The following TRMT11 variants were observed in gnomAD, a reference collection of about 807,000 sequenced individuals.
TRMT11 encodes tRNA (guanine(10)-N(2))-methyltransferase TRMT11.
Under a neutral mutation model 62.8 loss-of-function variants are expected in TRMT11, and 53 were observed. That is an observed-to-expected ratio of 0.84 (90% CI 0.68 to 1.06). The LOEUF is 1.06. TRMT11 is among the 50% of genes least tolerant of loss of function. The pLI is 0.00. For synonymous variants in TRMT11, 188 were observed against 190.3 expected (o/e 0.99, Z 0.10); for missense variants, 556 against 553.4 (o/e 1.00, Z -0.05).
chr6:126,173,036 T>C (rs1430208866), upstream of TRMT11, among the ~76,000 whole-genome samples: 3 of 152,130 alleles, frequency 2.0e-5, no homozygotes, highest in African/African-American at 7.2e-5. Flanking sequence ...CTCATTACCA[T>C]TATGGTTAGG....
intron 21 of TRMT11, among the ~76,000 whole-genome samples, chr6:126,145,534 C>T (rs1364655114): frequency 6.6e-6 from 1 of 152,096 alleles, no homozygotes; most frequent in African/African-American, 2.4e-5. Flanking sequence ...CTTGTCATAG[C>T]CCTGGCTGCA....
rs554951026 is a variant in TRMT11, at chr6:126,092,557, AT to A, written c.*1438-20306del. Among the ~76,000 whole-genome samples the A allele has an allele frequency of 3.9e-4, 59 of 152,256 alleles. No individual in the cohort carries two copies. The South Asian group carries it at 0.012, about 31-fold the overall frequency. ...TATGGGAGCTACAATTCAAGATGAGATTTGGGTTTGAGTTTGGGACACAGCC... is the reference window on the plus strand; with the variant it reads ...TATGGGAGCTACAATTCAAGATGAGATTGGGTTTGAGTTTGGGACACAGCC... On this transcript the variant is annotated intron_variant and NMD_transcript_variant, in intron 17 of 22. Coordinates refer to the TRMT11 transcript ENST00000648977.
At chr6:126,006,501 G>A (rs1793373317) in intron 7 of TRMT11, among the ~76,000 whole-genome samples, 1 of 151,808 alleles carries the variant, frequency 6.6e-6, no homozygotes, top group African/African-American at 2.4e-5. Flanking sequence ...GAAACACCGA[G>A]TTGCTAGCAT....
the TRMT11 span, among the ~76,000 whole-genome samples, chr6:126,248,510 A>C: frequency 6.6e-6 from 1 of 152,094 alleles, no homozygotes; most frequent in Non-Finnish European, 1.5e-5. Flanking sequence ...CAAGAAAAAA[A>C]AACAAAGTCA....
chr6:126,130,499 G>T (rs1777769094), intron 21 of TRMT11, among the ~76,000 whole-genome samples: 1 of 152,080 alleles, frequency 6.6e-6, no homozygotes, highest in South Asian at 2.1e-4. Flanking sequence ...TCTTCTGCCT[G>T]TAGGGTGTGT....
chr6:126,201,883 G>A (rs919563046), intron 3 of TRMT11: 2 of 152,076 alleles, frequency 1.3e-5, no homozygotes, highest in African/African-American at 2.4e-5. Flanking sequence ...TGTGTGGAAT[G>A]TATCTGTGGA....
intron 21 of TRMT11, among the ~76,000 whole-genome samples, chr6:126,151,931 C>CTTTCTT (rs1778059931): frequency 1.1e-5 from 1 of 93,418 alleles, no homozygotes; most frequent in African/African-American, 5.3e-5. Context: ...TTCTTTCTTT[C>CTTTCTT]TTTCTTTCTT....
At chr6:126,040,865 A>T (rs1775856133), downstream of TRMT11, among the ~76,000 whole-genome samples, 2 of 152,066 alleles carry the variant, frequency 1.3e-5, no homozygotes, top group Admixed American at 1.3e-4. Context: ...TTTTGCTCTA[A>T]TAGCTGGGAG....
At chr6:126,255,152 A>T in the TRMT11 span, among the ~76,000 whole-genome samples, 3 of 152,270 alleles carry the variant, frequency 2.0e-5, no homozygotes, top group African/African-American at 7.2e-5. Context: ...TTTGTTCTAA[A>T]TTCTTTGTCT....
At chr6:126,033,482 T>C (rs1170562805) in intron 12 of TRMT11, among the ~76,000 whole-genome samples, 1 of 152,204 alleles carries the variant, frequency 6.6e-6, no homozygotes, top group Non-Finnish European at 1.5e-5. Context: ...GTCACGTTTA[T>C]ATACCTTTCT....
At chr6:126,124,158 G>A (rs1013726820) in intron 21 of TRMT11, among the ~76,000 whole-genome samples, 1 of 151,996 alleles carries the variant, frequency 6.6e-6, no homozygotes, top group Admixed American at 6.6e-5. Flanking sequence ...TACTAAAAAG[G>A]TATTGGTAAT....
intron 21 of TRMT11, among the ~76,000 whole-genome samples, chr6:126,160,074 A>G (rs1052128777): frequency 6.6e-5 from 10 of 152,166 alleles, no homozygotes; most frequent in African/African-American, 2.4e-4. Flanking sequence ...CTTCTCTTAT[A>G]AAGACACCAG....
At chr6:126,249,077 A>C in the TRMT11 span, among the ~76,000 whole-genome samples, 1 of 152,142 alleles carries the variant, frequency 6.6e-6, no homozygotes, top group Non-Finnish European at 1.5e-5. Context: ...AACAAGGTAT[A>C]AATCAATTTT....
At chr6:126,207,372 G>A (rs1457937385), downstream of TRMT11, among the ~76,000 whole-genome samples, 1 of 152,200 alleles carries the variant, frequency 6.6e-6, no homozygotes, top group Non-Finnish European at 1.5e-5. Flanking sequence ...TAAGACTACT[G>A]GAAGACCAAC....
intron 17 of TRMT11, among the ~76,000 whole-genome samples, chr6:126,089,524 G>A (rs185686573): frequency 1.3e-5 from 2 of 152,272 alleles, no homozygotes; most frequent in African/African-American, 4.8e-5. Context: ...CTTACCCCGG[G>A]TCACATGGTT....
intron 17 of TRMT11, among the ~76,000 whole-genome samples, chr6:126,106,509 G>A (rs1777466310): frequency 1.3e-5 from 2 of 152,146 alleles, no homozygotes; most frequent in African/African-American, 4.8e-5. Context: ...CTGTTGGAAA[G>A]GGTTTTGCTG....
At chr6:126,261,073 GT>G in the TRMT11 span, among the ~76,000 whole-genome samples, 5 of 152,286 alleles carry the variant, frequency 3.3e-5, no homozygotes, top group East Asian at 9.6e-4. Context: ...GAAAGTTTGT[GT>G]GATTAAGGGT....
intron 21 of TRMT11, among the ~76,000 whole-genome samples, chr6:126,141,133 AAG>A (rs1035977302): frequency 2.6e-5 from 4 of 152,086 alleles, no homozygotes; most frequent in African/African-American, 9.7e-5. Context: ...GAATTTGAAT[AAG>A]AGAGTTTTCC....
chr6:126,192,957 G>A (rs1778620416), intron 1 of TRMT11, among the ~76,000 whole-genome samples: 1 of 152,158 alleles, frequency 6.6e-6, no homozygotes, highest in South Asian at 2.1e-4. Context: ...ATGTGTTTGT[G>A]AGTATTCCCT....
Sources: allele counts gnomAD v4.1 joint callset (sites outside exome capture counted in the v4.1 genomes callset), GRCh38; gene constraint gnomAD v4.1.1; transcripts MANE v1.5; gene names NCBI Gene and HGNC (gene_info 2026-07-23, HGNC 2026-07-21).